Variants in INPP5D observed in about 807,000 individuals in gnomAD.
INPP5D encodes phosphatidylinositol 3,4,5-trisphosphate 5-phosphatase 1.
In INPP5D, 33 loss-of-function variants were observed where a neutral mutation model predicts 122.9. The observed-to-expected ratio is 0.27, with a 90% CI of 0.20 to 0.36. The LOEUF is 0.36. Ranked by LOEUF, INPP5D falls within the 10% of genes least tolerant of loss-of-function variation. The pLI is 1.00. For synonymous variants in INPP5D, 584 were observed against 576.2 expected (o/e 1.01, Z -0.19); for missense variants, 1,053 against 1,412.7 (o/e 0.75, Z 4.08).
intron 10 of INPP5D, among the ~76,000 whole-genome samples, chr2:233,161,133 C>T (rs1161769177): frequency 6.6e-6 from 1 of 151,738 alleles, no homozygotes; most frequent in Admixed American, 6.6e-5. Context: ...GCTCTGTTAC[C>T]CAGGCTGGAG....
intron 18 of INPP5D, 87 bp from the exon 19 acceptor site, chr2:233,182,323 G>A: frequency 6.4e-7 from 1 of 1,573,504 alleles, no homozygotes; most frequent in Non-Finnish European, 8.6e-7. Context: ...CATAACTAAA[G>A]TTTCTTTCTG....
At chr2:233,072,502 T>A (rs1022850303) in intron 1 of INPP5D, among the ~76,000 whole-genome samples, 2 of 152,236 alleles carry the variant, frequency 1.3e-5, no homozygotes, top group Non-Finnish European at 2.9e-5. Context: ...TCATGTATAT[T>A]TTACAAAATA....
At chr2:233,172,232 T>C (rs1216519874) in intron 17 of INPP5D, among the ~76,000 whole-genome samples, 2 of 152,044 alleles carry the variant, frequency 1.3e-5, no homozygotes, top group South Asian at 2.1e-4. Context: ...TGGTGAAGGA[T>C]GGTTTGCTTT....
At chr2:233,130,365 G>T (rs1016730586) in intron 4 of INPP5D, 143 bp from the exon 5 acceptor site, 2 of 900,410 alleles carry the variant, frequency 2.2e-6, no homozygotes, top group African/African-American at 3.4e-5. Flanking sequence ...CCTTCGTCCA[G>T]GTTTGCAAAC....
At position 233,094,512 on chromosome 2, in the gene INPP5D, C is replaced by CAAAAAAAAAAAAAAAAA. The variant is rs58284775; in HGVS notation, c.198+15128_198+15144dup. ...TGGGCAATAGAGCAAGACTCCATCC[C>CAAAAAAAAAAAAAAAAA]AAAAAAAAAAAAAAAAAAAAAAAAA... On this transcript the variant is annotated intron_variant, in intron 2 of 26. Transcript: ENST00000445964. Among the ~76,000 whole-genome samples, 28 of 34,966 alleles carry CAAAAAAAAAAAAAAAAA rather than the reference C, an allele frequency of 8.0e-4. 14 individuals carry two copies. Among genetic ancestry groups the CAAAAAAAAAAAAAAAAA allele is most frequent in the Admixed American group, 1.0e-3 (2 of 1,956 alleles). The allele number at this position is 34,966 out of a possible 152,430, so 22.9% of individuals were successfully genotyped here. A position where few individuals can be genotyped will look rare whatever the true frequency, so the allele number is the denominator to read the frequency against.
intron 10 of INPP5D, among the ~76,000 whole-genome samples, chr2:233,159,998 G>T (rs1408433851): frequency 6.6e-6 from 1 of 152,158 alleles, no homozygotes; most frequent in African/African-American, 2.4e-5. Flanking sequence ...AAGACCGCTG[G>T]GCTGGAATGC....
chr2:233,133,435 C>T (rs935374096), intron 5 of INPP5D, among the ~76,000 whole-genome samples: 13 of 152,032 alleles, frequency 8.6e-5, no homozygotes, highest in Non-Finnish European at 2.9e-5. Context: ...GCTCAAGGAA[C>T]AGGAAGTCTG....
At chr2:233,171,370 G>C in intron 17 of INPP5D, 1 of 553,594 alleles carries the variant, frequency 1.8e-6, no homozygotes, top group South Asian at 3.3e-5. Context: ...TTTACCTTCT[G>C]TCCAGATACT....
chr2:233,072,128 G>A (rs909308001), intron 1 of INPP5D, among the ~76,000 whole-genome samples: 2 of 152,204 alleles, frequency 1.3e-5, no homozygotes, highest in African/African-American at 2.4e-5. Context: ...AAGGGCATGG[G>A]ATAGCCTCTG....
At chr2:233,167,151 T>A (rs1694363311) in intron 13 of INPP5D, among the ~76,000 whole-genome samples, 1 of 137,574 alleles carries the variant, frequency 7.3e-6, no homozygotes, top group South Asian at 2.3e-4. Context: ...TGGGAGGACC[T>A]CCTGAGACCG....
At chr2:233,102,046 G>A (rs995039711) in intron 2 of INPP5D, among the ~76,000 whole-genome samples, 4 of 151,886 alleles carry the variant, frequency 2.6e-5, no homozygotes, top group Middle Eastern at 3.4e-3. Context: ...CTGTTAGTTC[G>A]TTAAACCACT....
chr2:233,122,010 CCCTCCG>C, intron 2 of INPP5D, 91 bp from the exon 3 acceptor site: 1 of 1,411,476 alleles, frequency 7.1e-7, no homozygotes, highest in Non-Finnish European at 9.8e-7. Context: ...CGCAGTCACT[CCCTCCG>C]CCTCGCTGGT....
chr2:233,125,079 C>G (rs555085519), intron 3 of INPP5D, among the ~76,000 whole-genome samples: 9 of 152,384 alleles, frequency 5.9e-5, no homozygotes, highest in African/African-American at 2.2e-4. Context: ...GCTCTGGACC[C>G]TCCATTCGTG....
rs1463871917 is a variant in INPP5D, at chr2:233,121,249, G to A, written c.199-858G>A. On this transcript the variant is annotated intron_variant, in intron 2 of 26. Transcript: ENST00000445964. ...CAGGTTCAAGCAATTCTCTTGCCTC[G>A]CCCTCCCAAGTAGCTGAAATTACAG... Among the ~76,000 whole-genome samples the A allele has an allele frequency of 9.5e-5, 14 of 146,954 alleles. 2 individuals are homozygous for A. The highest frequency in any genetic ancestry group is 4.3e-4 in the South Asian group (2 of 4,648).
chr2:233,119,391 T>A (rs764760925), intron 2 of INPP5D, among the ~76,000 whole-genome samples: 8 of 152,234 alleles, frequency 5.3e-5, no homozygotes, highest in Admixed American at 1.3e-4. Flanking sequence ...AGATCTTGTA[T>A]CATGTCAAAT....
chr2:233,156,729 T>G (rs551609818), intron 9 of INPP5D, among the ~76,000 whole-genome samples: 2 of 152,288 alleles, frequency 1.3e-5, no homozygotes, highest in East Asian at 3.9e-4. Flanking sequence ...AACTGGCGAA[T>G]GGTCACATAG....
chr2:233,094,560 T>C (rs969283377), intron 2 of INPP5D, among the ~76,000 whole-genome samples: 4 of 132,888 alleles, frequency 3.0e-5, no homozygotes, highest in African/African-American at 1.1e-4. Flanking sequence ...ATCTGGCTGC[T>C]GGAAAATTTA....
chr2:233,147,283 C>T (rs1437716954), intron 8 of INPP5D, among the ~76,000 whole-genome samples, 188 bp from the exon 9 acceptor site: 1 of 152,192 alleles, frequency 6.6e-6, no homozygotes, highest in African/African-American at 2.4e-5. Flanking sequence ...CCCCTAGAGT[C>T]TCTGTGATTC....
intron 9 of INPP5D, among the ~76,000 whole-genome samples, chr2:233,148,282 A>T (rs558617138): frequency 1.3e-5 from 1 of 75,734 alleles, no homozygotes; most frequent in East Asian, 5.4e-4. Context: ...GTCAATACAG[A>T]TGAATGATCA....
Sources: gnomAD v4.1 joint callset for allele counts (sites outside exome capture counted in the v4.1 genomes callset) on GRCh38, gnomAD v4.1.1 for gene constraint, MANE v1.5 for transcripts, NCBI Gene and HGNC (gene_info 2026-07-23, HGNC 2026-07-21) for gene names.